MND1: variants seen among roughly 807,000 people sequenced by gnomAD.
MND1 encodes the protein meiotic nuclear division protein 1 homolog.
MND1 carries 28 observed loss-of-function variants against 35.1 expected under a neutral mutation model. The observed-to-expected ratio is 0.80, with a 90% CI of 0.59 to 1.09. The LOEUF (loss-of-function observed/expected upper bound fraction) is 1.09. Among genes scored for constraint, MND1 ranks in the 50% least tolerant of loss-of-function variants. MND1 has a pLI of 0.00. For missense variants in MND1, 213 were observed against 239.6 expected (o/e 0.89, Z 0.73); for synonymous variants, 69 against 70.5 (o/e 0.98, Z 0.11).
intron 7 of MND1, among the ~76,000 whole-genome samples, chr4:153,412,326 A>G (rs1012622216): frequency 1.3e-5 from 2 of 152,188 alleles, no homozygotes; most frequent in Non-Finnish European, 2.9e-5. Flanking sequence ...GCAACAAAAC[A>G]TCACAGATAG....
chr4:153,377,984 T>C (rs1728558877), intron 4 of MND1, among the ~76,000 whole-genome samples: 2 of 152,224 alleles, frequency 1.3e-5, no homozygotes, highest in South Asian at 4.1e-4. Flanking sequence ...GAAGTCCTTA[T>C]GTGCCTTGTT....
chr4:153,405,560 A>G (rs1346524126), intron 6 of MND1, among the ~76,000 whole-genome samples: 1 of 151,692 alleles, frequency 6.6e-6, no homozygotes, highest in Non-Finnish European at 1.5e-5. Context: ...AAAAGAATAG[A>G]CATATAGATT....
At chr4:153,381,692 A>ATATAT (rs1554011429) in intron 4 of MND1, 11 of 17,480 alleles carry the variant, frequency 6.3e-4, no homozygotes, top group East Asian at 2.4e-3. Context: ...ATATATATAT[A>ATATAT]TTTTTTTTTT....
At chr4:153,388,533 GT>G (rs1728930729) in intron 4 of MND1, among the ~76,000 whole-genome samples, 1 of 152,148 alleles carries the variant, frequency 6.6e-6, no homozygotes, top group Non-Finnish European at 1.5e-5. Context: ...ATTATAAGTA[GT>G]TTTTATTGTT....
intron 4 of MND1, among the ~76,000 whole-genome samples, chr4:153,373,950 A>AT (rs1229644564): frequency 6.6e-6 from 1 of 152,196 alleles, no homozygotes; most frequent in Non-Finnish European, 1.5e-5. Context: ...ATCACTTATC[A>AT]TTTTAGAGAA....
At chr4:153,346,433 A>G (rs1773078965) in intron 1 of MND1, among the ~76,000 whole-genome samples, 1 of 152,198 alleles carries the variant, frequency 6.6e-6, no homozygotes, top group African/African-American at 2.4e-5. Flanking sequence ...TGACTTACTA[A>G]TTTGAATGCA....
At chr4:153,386,911 C>G (rs1470915778) in intron 4 of MND1, among the ~76,000 whole-genome samples, 1 of 152,096 alleles carries the variant, frequency 6.6e-6, no homozygotes, top group Non-Finnish European at 1.5e-5. Context: ...CTGGGCTTTA[C>G]AGGGGTCACT....
At chr4:153,355,734 A>AATGTTTTGGGAAATATACTGGG (rs762205499) in intron 3 of MND1, 23 bp downstream of exon 3, 1 of 1,446,592 alleles carries the variant, frequency 6.9e-7, no homozygotes, top group Admixed American at 1.8e-5. Context: ...GTTATACTGG[A>AATGTTTTGGGAAATATACTGGG]ATGTTTTGGG....
At chr4:153,368,324 A>G (rs1414564179) in intron 4 of MND1, among the ~76,000 whole-genome samples, 1 of 152,278 alleles carries the variant, frequency 6.6e-6, no homozygotes, top group Non-Finnish European at 1.5e-5. Flanking sequence ...AATATTTTTT[A>G]TCACAAGTAA....
intron 4 of MND1, among the ~76,000 whole-genome samples, chr4:153,385,270 A>G (rs1728820764): frequency 6.6e-6 from 1 of 152,202 alleles, no homozygotes; most frequent in African/African-American, 2.4e-5. Context: ...AATTTTTCAC[A>G]ACCTTCATAG....
chr4:153,348,147 G>C (rs1773117904), intron 1 of MND1, among the ~76,000 whole-genome samples: 1 of 152,210 alleles, frequency 6.6e-6, no homozygotes, highest in African/African-American at 2.4e-5. Flanking sequence ...AGATAGAACA[G>C]ACAGGACAGA....
At chr4:153,349,595 C>T (rs1482307456) in intron 1 of MND1, among the ~76,000 whole-genome samples, 2 of 152,160 alleles carry the variant, frequency 1.3e-5, no homozygotes, top group African/African-American at 2.4e-5. Context: ...TGTGTGGTCT[C>T]CCCAAGATGT....
intron 1 of MND1, among the ~76,000 whole-genome samples, chr4:153,348,680 GT>G (rs1773134657): frequency 6.6e-6 from 1 of 152,002 alleles, no homozygotes; most frequent in South Asian, 2.1e-4. Context: ...TGTGGGCTTT[GT>G]TTTGTTTTGT....
chr4:153,410,485 C>T (rs973576303), intron 7 of MND1, among the ~76,000 whole-genome samples: 2 of 152,078 alleles, frequency 1.3e-5, no homozygotes, highest in Non-Finnish European at 2.9e-5. Context: ...AGAAAACCGC[C>T]ACCTTCACAA....
At chr4:153,393,184 T>C (rs1371188236) in intron 4 of MND1, among the ~76,000 whole-genome samples, 2 of 152,140 alleles carry the variant, frequency 1.3e-5, no homozygotes, top group Non-Finnish European at 2.9e-5. Flanking sequence ...CATTTTTTTC[T>C]TCTTTGAGAA....
At chr4:153,356,778 A>G (rs907842161) in intron 3 of MND1, among the ~76,000 whole-genome samples, 1 of 151,558 alleles carries the variant, frequency 6.6e-6, no homozygotes, top group Non-Finnish European at 1.5e-5. Context: ...TTGGCCATGC[A>G]TATTTTATTT....
chr4:153,411,298 C>T (rs1729677908), intron 7 of MND1, among the ~76,000 whole-genome samples: 1 of 152,160 alleles, frequency 6.6e-6, no homozygotes, highest in Non-Finnish European at 1.5e-5. Context: ...CATCCTATTC[C>T]TATAGGTATC....
In MND1 at chr4:153,355,644, C is replaced by T. The variant is rs1177070626; in HGVS notation, c.70-10C>T. On this transcript the variant is annotated splice_polypyrimidine_tract_variant and intron_variant, in intron 2 of 7. Coordinates refer to ENST00000240488, the MANE Select transcript of MND1 (RefSeq NM_032117.4). ...CGTGCTTTTCATTTTCTTTAAAACCCTTTAAACAGAAAGATGTATTTCAAT... is the reference window on the plus strand; with the variant it reads ...CGTGCTTTTCATTTTCTTTAAAACCTTTTAAACAGAAAGATGTATTTCAAT... 3 of 1,557,468 alleles carry T rather than the reference C, an allele frequency of 1.9e-6. No homozygotes were observed. The highest frequency in any genetic ancestry group is 2.3e-5 in the East Asian group (1 of 44,376).
At chr4:153,384,300 T>C (rs1023625761) in intron 4 of MND1, among the ~76,000 whole-genome samples, 1 of 124,228 alleles carries the variant, frequency 8.0e-6, no homozygotes, top group Non-Finnish European at 1.6e-5. Flanking sequence ...AGCCAGGGCC[T>C]CACTCTGTTG....
Sources: gnomAD v4.1 joint callset for allele counts (sites outside exome capture counted in the v4.1 genomes callset) on GRCh38, gnomAD v4.1.1 for gene constraint, MANE v1.5 for transcripts, NCBI Gene and HGNC (gene_info 2026-07-23, HGNC 2026-07-21) for gene names.